CLSTN1: variants seen among roughly 807,000 people sequenced by gnomAD.
CLSTN1 encodes calsyntenin-1.
CLSTN1 carries 28 observed loss-of-function variants against 108.3 expected under a neutral mutation model. The observed-to-expected ratio is 0.26, with a 90% CI of 0.19 to 0.35. The LOEUF (loss-of-function observed/expected upper bound fraction) is 0.35, where lower values mean the gene tolerates loss of function less well. CLSTN1 is among the 10% of genes least tolerant of loss of function. The pLI is 1.00. For synonymous variants in CLSTN1, 524 were observed against 534.9 expected, an observed-to-expected ratio of 0.98 and a Z score of 0.28; for missense variants, 1,157 against 1,302.6, an observed-to-expected ratio of 0.89 and a Z score of 1.72.
chr1:9,777,252 G>A lies in CLSTN1; in HGVS notation c.92-3858C>T, dbSNP rs547366879. 1.2e-4 allele frequency among the ~76,000 whole-genome samples: 17 copies of A among 145,864 alleles called. No homozygotes were observed. In the East Asian group the frequency reaches 3.5e-3, roughly 30 times the overall value. On this transcript the variant is annotated intron_variant, in intron 1 of 18. Coordinates refer to ENST00000377298, the MANE Select transcript of CLSTN1 (RefSeq NM_001009566.3). ...AAAAAAAAAAAGCCTGGGAGTGGTGGCTCAAGCCTGTGATCCTGGCACTTT... is the reference window on the plus strand; with the variant it reads ...AAAAAAAAAAAGCCTGGGAGTGGTGACTCAAGCCTGTGATCCTGGCACTTT...
At position 9,751,485 on chromosome 1, in the gene CLSTN1, C is replaced by T. The variant is rs1557698311; in HGVS notation, c.637G>A (p.Val213Ile). 6.2e-7 allele frequency: 1 copy of T among 1,614,064 alleles called. No individual in the cohort carries two copies. The change falls in exon 5 of 19, where the codon GTT becomes ATT. Residue 213 changes from valine (V) to isoleucine (I), a missense_variant. Transcript: ENST00000377298. ...EIITPDVPFT[V>I]DKDGYIKNTE... ...CCTCGATTCTTACCATCTTTGTCAA[C>T]AGTAAAGGGCACGTCTGGAGTGATG...
Position 9,749,619 on chromosome 1 carries a change from G to T in CLSTN1, c.827C>A (p.Pro276Gln). Reference protein sequence around the residue: ...QGWNNRIEYEPGTGALAVFPN... With the variant: ...QGWNNRIEYEQGTGALAVFPN... ...AAAGACGGCCAACGCGCCGGTGCCC[G>T]GCTCATACTCAATCCTGTTGTTCCA... Residue 276 changes from proline to glutamine, a missense_variant, in exon 7 of 19, where the codon CCG becomes CAG. Transcript: ENST00000377298. 1 of 1,614,062 alleles carries T rather than the reference G, an allele frequency of 6.2e-7. No individual in the cohort carries two copies. The highest frequency in any genetic ancestry group is 2.2e-5 in the East Asian group (1 of 44,896).
rs142360831 is a variant in CLSTN1 at position 9,821,374 on chromosome 1, C to G, written c.91+2269G>C. 7.4e-3 allele frequency among the ~76,000 whole-genome samples: 1,130 copies of G among 152,346 alleles called. 6 individuals are homozygous for G. The highest frequency in any genetic ancestry group is 0.012 in the Admixed American group (177 of 15,304). On this transcript the variant is annotated intron_variant, in intron 1 of 18. Coordinates refer to ENST00000377298, the MANE Select transcript of CLSTN1 (RefSeq NM_001009566.3). ...TCTCGAACTCCTGACCTCAGGTGAT[C>G]CGCTGGCCTCGGCCTCCCAAAGTGC...
intron 1 of CLSTN1, chr1:9,781,295 T>A (rs532359057): frequency 1.5e-6 from 1 of 674,954 alleles, no homozygotes; most frequent in African/African-American, 1.8e-5. Flanking sequence ...GATTTAAAGA[T>A]TGCACTGTAG....
At chr1:9,813,895 C>T (rs887281657) in intron 1 of CLSTN1, among the ~76,000 whole-genome samples, 1 of 151,384 alleles carries the variant, frequency 6.6e-6, no homozygotes, top group South Asian at 2.1e-4. Context: ...GTGAGGAGAT[C>T]GAGACCATCC....
Position 9,729,776 on chromosome 1 carries a change from C to T in CLSTN1, c.*732G>A, listed in dbSNP as rs1269855867. 1 of 152,566 alleles carries T rather than the reference C, an allele frequency of 6.6e-6. No individual in the cohort carries two copies. Among genetic ancestry groups the T allele is most frequent in the African/African-American group, 2.4e-5 (1 of 41,482 alleles). The allele number at this position is 152,566 out of a possible 1,614,324, so 9.5% of individuals were successfully genotyped here. A position where few individuals can be genotyped will look rare whatever the true frequency, so the allele number is the denominator to read the frequency against. ...CAAGGCCCGGCCACTTGTAGCTACC[C>T]TGATCCAGTCTCTTGAGCAGCACAG... On this transcript the variant is annotated 3_prime_UTR_variant, in exon 19 of 19. Coordinates refer to ENST00000377298, the MANE Select transcript of CLSTN1 (RefSeq NM_001009566.3).
chr1:9,818,219 A>C (rs1655052605), intron 1 of CLSTN1, among the ~76,000 whole-genome samples: 1 of 151,430 alleles, frequency 6.6e-6, no homozygotes, highest in Non-Finnish European at 1.5e-5. Flanking sequence ...CATGTTGCAC[A>C]GGCTGGTCTC....
rs570169886 is a variant in CLSTN1, at chr1:9,737,668, C to A, written c.1520-114G>T. ...AACTATAAAACATGAAGAGAAAATT[C>A]CCTCGTGATCCCGCTCTGGGATGTA... On this transcript the variant is annotated intron_variant, in intron 10 of 18. Coordinates refer to ENST00000377298, the MANE Select transcript of CLSTN1 (RefSeq NM_001009566.3). 6.4e-5 allele frequency: 55 copies of A among 858,576 alleles called. 2 individuals are homozygous for A. Among genetic ancestry groups the A allele is most frequent in the South Asian group, 5.0e-4 (34 of 68,138 alleles). 53.2% of individuals were successfully genotyped at this position (858,576 alleles called of 1,614,324 possible).
intron 15 of CLSTN1, 89 bp from the exon 16 acceptor site, chr1:9,733,635 T>A: frequency 6.6e-7 from 1 of 1,515,156 alleles, no homozygotes; most frequent in Non-Finnish European, 9.1e-7. Flanking sequence ...CAGGCTCAAT[T>A]AGACACCCAG....
At chr1:9,798,752 T>A (rs900427874) in intron 1 of CLSTN1, among the ~76,000 whole-genome samples, 29 of 152,148 alleles carry the variant, frequency 1.9e-4, no homozygotes, top group East Asian at 1.7e-3. Flanking sequence ...CAGTTTCCAG[T>A]ACAGCATGTT....
chr1:9,824,104 G>A (rs1049525108), upstream of CLSTN1: 1 of 146,636 alleles, frequency 6.8e-6, no homozygotes, highest in South Asian at 2.1e-4. This position sits in a 1 kb window ranked among gnomAD's most constrained non-coding sequence, Gnocchi z 5.0. Flanking sequence ...AGGGGCGGGG[G>A]AGAGGAGCGG....
In CLSTN1 at chr1:9,744,591, G is replaced by A. The variant is rs1415513125; in HGVS notation, c.1038C>T (p.Asn346=). ...ELLPSPSGSL[N]WTMGLPTDNG... ...TGTCGGTGGGCAGGCCCATGGTCCA[G>A]TTGAGGGATCCACTCGGGGATGGCA... The change falls in exon 8 of 19, where the codon AAC becomes AAT. Residue 346 remains asparagine (N), a synonymous_variant. Coordinates refer to ENST00000377298, the MANE Select transcript of CLSTN1 (RefSeq NM_001009566.3). 6 of 1,613,424 alleles carry A rather than the reference G, an allele frequency of 3.7e-6. No individual in the cohort carries two copies. The highest frequency in any genetic ancestry group is 2.7e-5 in the African/African-American group (2 of 74,868).
chr1:9,794,215 T>C (rs1325397620), intron 1 of CLSTN1, among the ~76,000 whole-genome samples: 4 of 151,506 alleles, frequency 2.6e-5, no homozygotes, highest in South Asian at 4.3e-4. Context: ...GTTTATACCT[T>C]GTCCAGAGAA....
chr1:9,823,617 C>G lies in CLSTN1; in HGVS notation c.91+26G>C, dbSNP rs1473491702. On this transcript the variant is annotated intron_variant, in intron 1 of 18. Coordinates refer to ENST00000377298, the MANE Select transcript of CLSTN1 (RefSeq NM_001009566.3). The surrounding 1 kb of genome is among the most constrained non-coding windows in gnomAD (Gnocchi z 6.3). ...GGACCCGAATCCCGCACCGACCCAG[C>G]GGCCCGGCCCAGCCCCGGGGCTTAC... 2.6e-6 allele frequency: 3 copies of G among 1,174,526 alleles called. No individual in the cohort carries two copies. The African/African-American group carries it at 4.8e-5, about 19-fold the overall frequency. The allele number at this position is 1,174,526 out of a possible 1,614,324, so 72.8% of individuals were successfully genotyped here.
chr1:9,774,620 C>A (rs897838329), intron 1 of CLSTN1, among the ~76,000 whole-genome samples: 2 of 151,986 alleles, frequency 1.3e-5, no homozygotes, highest in South Asian at 2.1e-4. Context: ...ATTCCAGCCT[C>A]CCTCTATTAT....
At chr1:9,812,378 G>T (rs1425497659) in intron 1 of CLSTN1, among the ~76,000 whole-genome samples, 1 of 152,128 alleles carries the variant, frequency 6.6e-6, no homozygotes, top group African/African-American at 2.4e-5. Context: ...GAGGAGCATT[G>T]GCCAGAGATG....
chr1:9,790,912 T>C (rs1230915690), intron 1 of CLSTN1, among the ~76,000 whole-genome samples: 1 of 150,710 alleles, frequency 6.6e-6, no homozygotes, highest in Non-Finnish European at 1.5e-5. Flanking sequence ...GGTGAGTGGA[T>C]CATGAGGTCA....
At chr1:9,790,114 C>T (rs1653693235) in intron 1 of CLSTN1, among the ~76,000 whole-genome samples, 1 of 151,466 alleles carries the variant, frequency 6.6e-6, no homozygotes, top group Admixed American at 6.7e-5. Flanking sequence ...TAATTTCACT[C>T]AAGACTTTTC....
chr1:9,755,205 C>G lies in CLSTN1; in HGVS notation c.349G>C (p.Asp117His). The G allele has an allele frequency of 6.2e-7, 1 of 1,614,124 alleles. No homozygotes were observed. Residue 117 changes from aspartate (D) to histidine (H), a missense_variant, in exon 4 of 19, where the codon GAC becomes CAC. Physicochemically the swap from Asp to His is moderately conservative, Grantham distance 81. Coordinates refer to ENST00000377298, the MANE Select transcript of CLSTN1 (RefSeq NM_001009566.3). ...GAATAGTCTTTCTGCAGCTCACAGT[C>G]CAGTTTCTCTTTGGAGCGAATGACT... is the stretch of plus-strand genomic sequence containing the variant. ...EGVIRSKEKL[D>H]CELQKDYSFT...
Sources: allele counts gnomAD v4.1 joint callset (sites outside exome capture counted in the v4.1 genomes callset), GRCh38; gene constraint gnomAD v4.1.1; non-coding constraint Gnocchi (gnomAD v3.1); transcripts MANE v1.5; gene names NCBI Gene and HGNC (gene_info 2026-07-23, HGNC 2026-07-21).